ZNF780B: variants seen among roughly 807,000 people sequenced by gnomAD.
ZNF780B encodes zinc finger protein 780B, also known as zinc finger protein 779.
A neutral mutation model predicts 74.1 loss-of-function variants in ZNF780B; 52 were observed. That is an observed-to-expected ratio of 0.70 (90% CI 0.56 to 0.88). ZNF780B has a LOEUF of 0.88. Ranked by LOEUF, ZNF780B falls within the 40% of genes least tolerant of loss-of-function variation. ZNF780B has a pLI of 0.00. For missense variants in ZNF780B, 953 were observed against 1,007.6 expected (o/e 0.95, Z 0.73); for synonymous variants, 315 against 324.3 (o/e 0.97, Z 0.31).
At chr19:40,051,903 C>G (rs1973247793) in intron 1 of ZNF780B, among the ~76,000 whole-genome samples, 1 of 151,712 alleles carries the variant, frequency 6.6e-6, no homozygotes, top group Admixed American at 6.6e-5. Context: ...GAATGCCTTA[C>G]AAAAACCCTA....
rs1341058438 is a variant in ZNF780B at position 40,032,284 on chromosome 19, G to A, written c.*2073C>T. ...GCTTATAAACTAGGGCTACACTTCT[G>A]TAGGTTTACTAAGTTCCACAGGGGA... is the stretch of plus-strand genomic sequence containing the variant. On this transcript the variant is annotated 3_prime_UTR_variant, in exon 5 of 5. Transcript: ENST00000434248. 5 of 363,540 alleles carry A rather than the reference G, an allele frequency of 1.4e-5. No individual in the cohort carries two copies. Among genetic ancestry groups the A allele is most frequent in the Non-Finnish European group, 1.6e-5 (3 of 186,798 alleles). 22.5% of individuals were successfully genotyped at this position (363,540 alleles called of 1,614,324 possible).
chr19:40,050,710 G>A (rs1973186391), intron 1 of ZNF780B, among the ~76,000 whole-genome samples: 1 of 152,194 alleles, frequency 6.6e-6, no homozygotes, highest in African/African-American at 2.4e-5. Context: ...CTAGGACTGG[G>A]CCTCTGATCC....
chr19:40,054,080 G>A (rs1382445930), intron 1 of ZNF780B, among the ~76,000 whole-genome samples: 1 of 152,182 alleles, frequency 6.6e-6, no homozygotes, highest in Non-Finnish European at 1.5e-5. Flanking sequence ...TTGAACCCGG[G>A]AGGCAGAGGT....
In ZNF780B at chr19:40,035,041, A is replaced by C. The variant is rs562969306; in HGVS notation, c.1818T>G (p.Phe606Leu). 6 of 1,614,210 alleles carry C rather than the reference A, an allele frequency of 3.7e-6. No homozygotes were observed. Among genetic ancestry groups the C allele is most frequent in the East Asian group, 2.2e-5 (1 of 44,884 alleles). The change falls in exon 5 of 5, where the codon TTT becomes TTG. Residue 606 changes from phenylalanine to leucine, a missense_variant. By Grantham distance (22) the Phe-to-Leu change is conservative (BLOSUM62 0). Transcript: ENST00000434248. ...ATTCAAAGGGCTTCTCACCAGTATG[A>C]AATTTCTGATGTCGAATAAGGTGCA... ...LHMHLIRHQK[F>L]HTGEKPFECK...
intron 4 of ZNF780B, among the ~76,000 whole-genome samples, chr19:40,040,102 T>C (rs1015815431): frequency 1.3e-5 from 2 of 152,204 alleles, no homozygotes; most frequent in Non-Finnish European, 2.9e-5. Context: ...CCTCATTTAT[T>C]GAGAGTTTTT....
intron 2 of ZNF780B, chr19:40,049,032 T>G: frequency 2.0e-6 from 1 of 498,952 alleles, no homozygotes; most frequent in South Asian, 2.9e-5. Flanking sequence ...GCAAACAGCC[T>G]GGGCAACATA....
In ZNF780B at chr19:40,028,857, T is replaced by C. The variant is rs980474472; in HGVS notation, c.*5500A>G. Reference sequence around the variant, plus strand: ...TCAAATATTAATATATTAAGCTAGTTTGTTTTAAGAGGTTTCCAGAATTGC... The same window carrying C: ...TCAAATATTAATATATTAAGCTAGTCTGTTTTAAGAGGTTTCCAGAATTGC... On this transcript the variant is annotated 3_prime_UTR_variant, in exon 5 of 5. Transcript: ENST00000434248. 6.6e-6 allele frequency: 1 copy of C among 152,180 alleles called. No homozygotes were observed. The highest frequency in any genetic ancestry group is 2.4e-5 in the African/African-American group (1 of 41,442). The allele number at this position is 152,180 out of a possible 1,614,324, so 9.4% of individuals were successfully genotyped here.
chr19:40,041,088 A>T (rs1972613328), intron 4 of ZNF780B, among the ~76,000 whole-genome samples: 1 of 152,162 alleles, frequency 6.6e-6, no homozygotes, highest in African/African-American at 2.4e-5. Flanking sequence ...TGTGTCCCAG[A>T]GATTCTGGTA....
At chr19:40,055,736 G>A (rs1973467496) in intron 1 of ZNF780B, among the ~76,000 whole-genome samples, 1 of 152,106 alleles carries the variant, frequency 6.6e-6, no homozygotes, top group African/African-American at 2.4e-5. Context: ...TTCCCACCCC[G>A]AGTCCAGATC....
chr19:40,035,844 T>C lies in ZNF780B; in HGVS notation c.1015A>G (p.Arg339Gly). The change falls in exon 5 of 5, where the codon AGA becomes GGA. Residue 339 changes from arginine (R) to glycine (G), a missense_variant. Coordinates refer to ENST00000434248, the MANE Select transcript of ZNF780B (RefSeq NM_001005851.3). ...GEKPFECKEC[R>G]KAFTLLTKLV... ...TTTGTCAGAAGAGTAAAGGCCTTTC[T>C]GCATTCTTTACATTCAAAGGGTTTC... 1.2e-6 allele frequency: 2 copies of C among 1,613,984 alleles called. No homozygotes were observed. Among genetic ancestry groups the C allele is most frequent in the Non-Finnish European group, 1.7e-6 (2 of 1,179,998 alleles).
intron 1 of ZNF780B, among the ~76,000 whole-genome samples, chr19:40,051,460 A>C (rs2144837856): frequency 6.6e-6 from 1 of 152,298 alleles, no homozygotes; most frequent in South Asian, 2.1e-4. Context: ...GACCAACACT[A>C]AGATGTCTAT....
In ZNF780B at chr19:40,034,113, A is replaced by T; in HGVS notation, c.*244T>A. The T allele has an allele frequency of 1.7e-6, 1 of 578,918 alleles. No homozygotes were observed. Among genetic ancestry groups the T allele is most frequent in the Non-Finnish European group, 3.2e-6 (1 of 316,966 alleles). The allele number at this position is 578,918 out of a possible 1,614,324, so 35.9% of individuals were successfully genotyped here. On this transcript the variant is annotated 3_prime_UTR_variant, in exon 5 of 5. Transcript: ENST00000434248. ...CCTTACATTCATAGGGTTTCTCATC[A>T]GTATGAATTTTAACATGTTTAACAG... is the stretch of plus-strand genomic sequence containing the variant.
At chr19:40,043,781 C>T (rs1216720250) in intron 4 of ZNF780B, among the ~76,000 whole-genome samples, 3 of 152,214 alleles carry the variant, frequency 2.0e-5, no homozygotes, top group African/African-American at 7.2e-5. Context: ...GTGGGAGTGA[C>T]CCGATTTTCC....
chr19:40,050,105 G>C (rs1314920959), intron 2 of ZNF780B, among the ~76,000 whole-genome samples: 1 of 148,454 alleles, frequency 6.7e-6, no homozygotes. Flanking sequence ...TCTGAGGCAG[G>C]AGAATTGCTT....
intron 4 of ZNF780B, among the ~76,000 whole-genome samples, chr19:40,043,359 G>A (rs531974359): frequency 5.9e-5 from 9 of 152,190 alleles, no homozygotes; most frequent in South Asian, 4.2e-4. Flanking sequence ...TAGGCTGCTC[G>A]GGGGTCAGGG....
At chr19:40,040,379 G>A (rs557806790) in intron 4 of ZNF780B, among the ~76,000 whole-genome samples, 109 of 152,114 alleles carry the variant, frequency 7.2e-4, no homozygotes, top group Non-Finnish European at 1.1e-3. Context: ...CTCTTTTTTC[G>A]TTGTGTCTCT....
intron 1 of ZNF780B, among the ~76,000 whole-genome samples, chr19:40,051,926 G>A (rs559291190): frequency 1.3e-5 from 2 of 150,690 alleles, no homozygotes; most frequent in African/African-American, 4.9e-5. Context: ...TTAGTATATG[G>A]GATTCATATA....
intron 4 of ZNF780B, among the ~76,000 whole-genome samples, chr19:40,043,306 G>A (rs965075864): frequency 1.1e-4 from 16 of 152,324 alleles, no homozygotes; most frequent in Admixed American, 7.8e-4. Context: ...GTACCCGGCC[G>A]TGTGAGGTGT....
chr19:40,046,446 C>T (rs187119982), intron 4 of ZNF780B, among the ~76,000 whole-genome samples: 15 of 152,306 alleles, frequency 9.8e-5, no homozygotes, highest in Non-Finnish European at 1.5e-4. Flanking sequence ...TTCCTCACAA[C>T]GACAGTCAAA....
Sources: gnomAD v4.1 joint callset for allele counts (sites outside exome capture counted in the v4.1 genomes callset) on GRCh38, gnomAD v4.1.1 for gene constraint, MANE v1.5 for transcripts, NCBI Gene and HGNC (gene_info 2026-07-23, HGNC 2026-07-21) for gene names.